The following SMAD4 variants were observed in gnomAD, a reference collection of about 807,000 sequenced individuals.
The protein encoded by SMAD4 is SMAD family member 4, also known as MAD homolog 4.
A neutral mutation model predicts 63.2 loss-of-function variants in SMAD4; 7 were observed. The ratio of observed to expected loss-of-function variants is 0.11; its 90% CI spans 0.06 to 0.21. SMAD4 has a LOEUF of 0.21. Ranked by LOEUF, SMAD4 falls within the 10% of genes least tolerant of loss-of-function variation. The pLI is 1.00. For missense variants in SMAD4, 312 were observed against 693.8 expected (o/e 0.45, Z 6.18); for synonymous variants, 215 against 235.4 (o/e 0.91, Z 0.79).
Position 51,080,878 on chromosome 18 carries a change from GT to G in SMAD4, c.*2414del, listed in dbSNP as rs1292228922. ...TTTCTACTTTAAGGAAAGTTTTCAT[GT>G]TTAATCATCTGGGGAAAGTATGTGA... On this transcript the variant is annotated 3_prime_UTR_variant, in exon 12 of 12. Coordinates refer to ENST00000342988, the MANE Select transcript of SMAD4 (RefSeq NM_005359.6). 5.5e-6 allele frequency: 1 copy of G among 182,708 alleles called. No individual in the cohort carries two copies. The highest frequency in any genetic ancestry group is 2.4e-5 in the African/African-American group (1 of 42,518). 11.3% of individuals were successfully genotyped at this position (182,708 alleles called of 1,614,324 possible).
chr18:51,042,301 T>TTCCCTCCCTCCCTCCCTCCCTCCCTCCC (rs1160836350), intron 1 of SMAD4, among the ~76,000 whole-genome samples: 1 of 60,718 alleles, frequency 1.6e-5, no homozygotes, highest in African/African-American at 5.1e-5. Flanking sequence ...CCCTCCCTCC[T>TTCCCTCCCTCCCTCCCTCCCTCCCTCCC]TCCCTCCCTC....
intron 2 of SMAD4, among the ~76,000 whole-genome samples, chr18:51,047,758 G>A (rs576062085): frequency 6.6e-6 from 1 of 152,150 alleles, no homozygotes; most frequent in South Asian, 2.1e-4. Context: ...ACAGGCAAGT[G>A]CAACCATGCC....
At position 51,078,822 on chromosome 18, in the gene SMAD4, G is replaced by C. The variant is rs1424306360; in HGVS notation, c.*355G>C. 7.3e-6 allele frequency: 2 copies of C among 273,164 alleles called. No individual in the cohort carries two copies. The highest frequency in any genetic ancestry group is 2.1e-5 in the African/African-American group (1 of 46,658). The allele number at this position is 273,164 out of a possible 1,614,324, so 16.9% of individuals were successfully genotyped here. ...ACATCGATATGTATATCATTCTACAGAATAATCCAGTATTGCTGATTTTAA... is the reference window on the plus strand; with the variant it reads ...ACATCGATATGTATATCATTCTACACAATAATCCAGTATTGCTGATTTTAA... On this transcript the variant is annotated 3_prime_UTR_variant, in exon 12 of 12. Coordinates refer to ENST00000342988, the MANE Select transcript of SMAD4 (RefSeq NM_005359.6).
rs2144426991 is a variant in SMAD4 at position 51,058,168 on chromosome 18, G to A, written c.711G>A (p.Leu237=). 6.2e-7 allele frequency: 1 copy of A among 1,614,208 alleles called. No homozygotes were observed. Among genetic ancestry groups the A allele is most frequent in the Non-Finnish European group, 8.5e-7 (1 of 1,180,016 alleles). Residue 237 remains leucine (L), a synonymous_variant, in exon 6 of 12, where the codon CTG becomes CTA. Coordinates refer to ENST00000342988, the MANE Select transcript of SMAD4 (RefSeq NM_005359.6). ...SILGGSHSEG[L]LQIASGPQPG... is the part of the protein sequence containing the mutation. ...TGGGGGGCAGCCATAGTGAAGGACT[G>A]TTGCAGATAGCATCAGGGCCTCAGC...
intron 1 of SMAD4, among the ~76,000 whole-genome samples, chr18:51,031,216 A>G (rs1909040902): frequency 6.6e-6 from 1 of 152,162 alleles, no homozygotes. Flanking sequence ...AATAAAAGAC[A>G]CAGCTGATCT....
chr18:51,034,530 C>G (rs1395958217), intron 1 of SMAD4, among the ~76,000 whole-genome samples: 1 of 152,144 alleles, frequency 6.6e-6, no homozygotes, highest in East Asian at 1.9e-4. Context: ...GGATTATAGG[C>G]ATGAGCCACC....
rs1910625086 is a variant in SMAD4, at chr18:51,082,120, T to A, written c.*3653T>A. The stretch of plus-strand genomic sequence containing the variant: ...GATAGCAGATTGGGAAAATGGCAAA[T>A]TTAGGTTACGGAGGTAAATGAGTAT... On this transcript the variant is annotated 3_prime_UTR_variant, in exon 12 of 12. Coordinates refer to ENST00000342988, the MANE Select transcript of SMAD4 (RefSeq NM_005359.6). 2 of 229,958 alleles carry A rather than the reference T, an allele frequency of 8.7e-6. No individual in the cohort carries two copies. Among genetic ancestry groups the A allele is most frequent in the Admixed American group, 5.7e-5 (1 of 17,666 alleles). The allele number at this position is 229,958 out of a possible 1,614,324, so 14.2% of individuals were successfully genotyped here. A position where few individuals can be genotyped will look rare whatever the true frequency, so the allele number is the denominator to read the frequency against.
intron 1 of SMAD4, among the ~76,000 whole-genome samples, chr18:51,032,624 C>G (rs944354447): frequency 3.3e-4 from 50 of 152,208 alleles, no homozygotes; most frequent in African/African-American, 1.2e-3. Flanking sequence ...AATTAAGGAG[C>G]GAGAATTAAC....
intron 10 of SMAD4, among the ~76,000 whole-genome samples, chr18:51,067,553 C>T (rs1434228118): frequency 6.6e-6 from 1 of 152,048 alleles, no homozygotes; most frequent in Non-Finnish European, 1.5e-5. Context: ...GCTGGGATTA[C>T]AGGCACATGT....
intron 1 of SMAD4, among the ~76,000 whole-genome samples, chr18:51,037,375 G>C (rs890342914): frequency 1.3e-5 from 2 of 152,124 alleles, no homozygotes; most frequent in Admixed American, 6.5e-5. Flanking sequence ...GACGTTATTT[G>C]CCCTTTCACT....
At position 51,033,886 on chromosome 18, in the gene SMAD4, C is replaced by T. The variant is rs1187392561; in HGVS notation, c.-128+3263C>T. Among the ~76,000 whole-genome samples the T allele has an allele frequency of 3.3e-5, 5 of 152,108 alleles. 1 individual carries two copies. The highest frequency in any genetic ancestry group is 3.3e-4 in the Admixed American group (5 of 15,284). ...TAGGGTAGTGCTTACATATGTAAAA[C>T]TAAGATGGTAGGTAGTCGGATTCTT... On this transcript the variant is annotated intron_variant, in intron 1 of 11. Transcript: ENST00000342988.
chr18:51,075,227 A>C (rs141583817), intron 10 of SMAD4, among the ~76,000 whole-genome samples: 1 of 152,226 alleles, frequency 6.6e-6, no homozygotes, highest in Non-Finnish European at 1.5e-5. Context: ...ATGTTATTGT[A>C]TGTTTTTGTG....
chr18:51,054,747 T>C, intron 4 of SMAD4, 34 bp from the exon 5 acceptor site: 2 of 1,489,312 alleles, frequency 1.3e-6, no homozygotes, highest in Non-Finnish European at 1.9e-6. Context: ...TAGAAGCTTA[T>C]AAAAATTTAA....
intron 1 of SMAD4, among the ~76,000 whole-genome samples, chr18:51,042,816 C>T (rs747051085): frequency 1.2e-4 from 18 of 152,176 alleles, no homozygotes; most frequent in Non-Finnish European, 1.9e-4. Flanking sequence ...GTCCTCCTGC[C>T]CCAGCCTCTT....
chr18:51,061,946 T>C (rs75017379), intron 8 of SMAD4, among the ~76,000 whole-genome samples: 2,480 of 152,312 alleles, frequency 0.016, 71 homozygotes, highest in African/African-American at 0.056. Context: ...TTATAACTTT[T>C]CTCATATTTT....
In SMAD4 at chr18:51,044,476, T is replaced by G. The variant is rs116197033; in HGVS notation, c.-127-2444T>G. On this transcript the variant is annotated intron_variant, in intron 1 of 11. Coordinates refer to ENST00000342988, the MANE Select transcript of SMAD4 (RefSeq NM_005359.6). ...GCACAATCACAGCTCACCAAGGCCTTGACCTCCCAAGGCTCAGGTGATCTT... is the reference window on the plus strand; with the variant it reads ...GCACAATCACAGCTCACCAAGGCCTGGACCTCCCAAGGCTCAGGTGATCTT... 1.6e-3 allele frequency among the ~76,000 whole-genome samples: 245 copies of G among 152,302 alleles called. 1 individual carries two copies. The highest frequency in any genetic ancestry group is 5.8e-3 in the African/African-American group (241 of 41,574).
intron 1 of SMAD4, among the ~76,000 whole-genome samples, chr18:51,031,801 G>A (rs569010438): frequency 1.7e-4 from 26 of 151,566 alleles, no homozygotes; most frequent in African/African-American, 6.1e-4. Flanking sequence ...TAATTTTTAT[G>A]GTGGATTTCA....
chr18:51,040,150 G>A (rs963559240), intron 1 of SMAD4, among the ~76,000 whole-genome samples: 4 of 152,022 alleles, frequency 2.6e-5, no homozygotes, highest in East Asian at 1.9e-4. Flanking sequence ...CTTTTGCGCC[G>A]GGCATGGTGG....
chr18:51,060,840 C>T (rs940369683), intron 8 of SMAD4, among the ~76,000 whole-genome samples: 1 of 151,950 alleles, frequency 6.6e-6, no homozygotes, highest in African/African-American at 2.4e-5. Flanking sequence ...CACCATGTTG[C>T]CCAGGCTGGT....
Sources: allele counts gnomAD v4.1 joint callset (sites outside exome capture counted in the v4.1 genomes callset), GRCh38; gene constraint gnomAD v4.1.1; transcripts MANE v1.5; gene names NCBI Gene and HGNC (gene_info 2026-07-23, HGNC 2026-07-21).